SNX2: variants seen among roughly 807,000 people sequenced by gnomAD.
SNX2 encodes the protein sorting nexin 2.
A neutral mutation model predicts 69.9 loss-of-function variants in SNX2; 25 were observed. The ratio of observed to expected loss-of-function variants is 0.36; its 90% CI spans 0.26 to 0.50. The LOEUF (loss-of-function observed/expected upper bound fraction) is 0.50, where lower values mean the gene tolerates loss of function less well. Among genes scored for constraint, SNX2 ranks in the 20% least tolerant of loss-of-function variants. The pLI, the probability that SNX2 is intolerant of heterozygous loss-of-function variation, is 0.97. For synonymous variants in SNX2, 229 were observed against 200.4 expected (o/e 1.14, Z -1.20); for missense variants, 551 against 613.3 (o/e 0.90, Z 1.07).
At chr5:122,775,762 G>C (rs1017412884) in intron 1 of SNX2, 11 of 985,306 alleles carry the variant, frequency 1.1e-5, no homozygotes, top group Middle Eastern at 1.0e-3. Flanking sequence ...CTGTTAAATA[G>C]GTAAATGCAT....
intron 1 of SNX2, among the ~76,000 whole-genome samples, chr5:122,791,110 G>C (rs1206231922): frequency 7.7e-6 from 1 of 130,250 alleles, no homozygotes; most frequent in South Asian, 2.4e-4. Flanking sequence ...TGCACTATAG[G>C]CTATTTCAAT....
chr5:122,786,381 T>TC (rs1753089156), intron 1 of SNX2, among the ~76,000 whole-genome samples: 1 of 152,198 alleles, frequency 6.6e-6, no homozygotes, highest in African/African-American at 2.4e-5. Context: ...TTTTATTTGC[T>TC]TACTGTTTTT....
chr5:122,783,964 A>G (rs1261645355), intron 1 of SNX2, among the ~76,000 whole-genome samples: 1 of 152,046 alleles, frequency 6.6e-6, no homozygotes, highest in African/African-American at 2.4e-5. Context: ...AGCTTTCAGC[A>G]TACAGATCTA....
At position 122,812,318 on chromosome 5, in the gene SNX2, ATCAC is replaced by A. The variant is rs377386877; in HGVS notation, c.723-3571_723-3568del. 4.7e-4 allele frequency among the ~76,000 whole-genome samples: 71 copies of A among 152,290 alleles called. 1 individual carries two copies. The East Asian group carries it at 0.013, about 28-fold the overall frequency. On this transcript the variant is annotated intron_variant, in intron 7 of 14. Transcript: ENST00000379516. Reference sequence around the variant, plus strand: ...CCCATTTGATCTCATATCCTCCGTGATCACTCACTCTGCTTTAGGCCAGACTAAC... The same window carrying A: ...CCCATTTGATCTCATATCCTCCGTGATCACTCTGCTTTAGGCCAGACTAAC...
intron 1 of SNX2, among the ~76,000 whole-genome samples, chr5:122,790,442 TCA>T (rs1028437007): frequency 5.3e-5 from 8 of 152,188 alleles, no homozygotes; most frequent in African/African-American, 1.9e-4. Flanking sequence ...ACTTCTAAGC[TCA>T]CTCTCATGGC....
At chr5:122,778,599 C>T (rs1752905088) in intron 1 of SNX2, among the ~76,000 whole-genome samples, 1 of 152,102 alleles carries the variant, frequency 6.6e-6, no homozygotes, top group Admixed American at 6.6e-5. Flanking sequence ...GTCTCCACCT[C>T]CCAGGTTCAA....
At chr5:122,796,358 C>A (rs35801915) in intron 2 of SNX2, among the ~76,000 whole-genome samples, 30,838 of 152,042 alleles carry the variant, frequency 0.2, 3,520 homozygotes, top group East Asian at 0.46. Context: ...CATCACAAAA[C>A]TCCATATAAT....
chr5:122,784,128 T>C (rs1393072626), intron 1 of SNX2, among the ~76,000 whole-genome samples: 1 of 152,018 alleles, frequency 6.6e-6, no homozygotes, highest in African/African-American at 2.4e-5. Context: ...TTTAGTAGGT[T>C]TTTGTAGAGT....
intron 1 of SNX2, among the ~76,000 whole-genome samples, chr5:122,792,215 T>G (rs1391865818): frequency 1.3e-5 from 2 of 152,254 alleles, no homozygotes; most frequent in East Asian, 1.9e-4. Context: ...GAGATTTTTG[T>G]GCCATTGAGG....
intron 2 of SNX2, chr5:122,795,597 A>G: frequency 2.4e-6 from 1 of 423,426 alleles, no homozygotes; most frequent in Non-Finnish European, 4.2e-6. Flanking sequence ...GGCTGTAAGC[A>G]TTTGAGAATA....
chr5:122,826,420 A>G (rs1056145347), intron 12 of SNX2, among the ~76,000 whole-genome samples: 1 of 152,056 alleles, frequency 6.6e-6, no homozygotes, highest in Non-Finnish European at 1.5e-5. Flanking sequence ...AACAGCTAAA[A>G]TTAACCTTTA....
At position 122,775,112 on chromosome 5, in the gene SNX2, C is replaced by T; in HGVS notation, c.9C>T (p.Ala3=). 6.3e-7 allele frequency: 1 copy of T among 1,588,446 alleles called. No individual in the cohort carries two copies. The highest frequency in any genetic ancestry group is 8.6e-7 in the Non-Finnish European group (1 of 1,169,272). ...CGTTCGGGTGAGCGAAGATGGCGGC[C>T]GAGAGGGAACCTCCTCCGCTGGGGG... The part of the protein sequence containing the change: MA[A]EREPPPLGDG... Residue 3 remains alanine, a synonymous_variant, in exon 1 of 15, where the codon GCC becomes GCT. Coordinates refer to ENST00000379516, the MANE Select transcript of SNX2 (RefSeq NM_003100.4).
intron 1 of SNX2, among the ~76,000 whole-genome samples, chr5:122,783,673 T>C (rs1252421322): frequency 6.6e-6 from 1 of 152,200 alleles, no homozygotes; most frequent in Non-Finnish European, 1.5e-5. Flanking sequence ...ACTGTCTTGA[T>C]TATTTAATCT....
intron 7 of SNX2, among the ~76,000 whole-genome samples, chr5:122,811,850 T>TAAAA (rs1554063577): frequency 3.0e-4 from 45 of 151,018 alleles, no homozygotes; most frequent in Admixed American, 8.6e-4. Context: ...AATAAATAAA[T>TAAAA]AAATAAATAA....
At chr5:122,799,899 T>C in intron 3 of SNX2, 44 bp downstream of exon 3, 2 of 1,464,360 alleles carry the variant, frequency 1.4e-6, no homozygotes, top group Non-Finnish European at 1.9e-6. Flanking sequence ...ATATATACCT[T>C]TTTTCCCCAC....
chr5:122,831,594 A>G lies in SNX2; in HGVS notation c.*1946A>G, dbSNP rs1322708698. The stretch of plus-strand genomic sequence containing the variant: ...CAATCATCTTTTGTTGCTTCTGGGA[A>G]TACTTTTCAGAAACGAATAATTCAT... On this transcript the variant is annotated 3_prime_UTR_variant, in exon 15 of 15. Coordinates refer to ENST00000379516, the MANE Select transcript of SNX2 (RefSeq NM_003100.4). 6.6e-6 allele frequency among the ~76,000 whole-genome samples: 1 copy of G among 152,232 alleles called. No homozygotes were observed. The highest frequency in any genetic ancestry group is 1.5e-5 in the Non-Finnish European group (1 of 68,030).
chr5:122,829,112 C>T (rs1203658118), intron 14 of SNX2, among the ~76,000 whole-genome samples: 1 of 152,050 alleles, frequency 6.6e-6, no homozygotes, highest in Non-Finnish European at 1.5e-5. Context: ...AGTGAAACTC[C>T]ACCTCAAGAA....
chr5:122,787,785 C>T (rs1464025671), intron 1 of SNX2, among the ~76,000 whole-genome samples: 1 of 152,044 alleles, frequency 6.6e-6, no homozygotes, highest in Non-Finnish European at 1.5e-5. Context: ...TTCCTTGTTT[C>T]TGGTGTTAAA....
At chr5:122,814,443 T>G (rs1188973739) in intron 7 of SNX2, among the ~76,000 whole-genome samples, 1 of 152,226 alleles carries the variant, frequency 6.6e-6, no homozygotes, top group Non-Finnish European at 1.5e-5. Flanking sequence ...TGACTTCTTA[T>G]GTGGGCTACT....
Sources: gnomAD v4.1 joint callset for allele counts (sites outside exome capture counted in the v4.1 genomes callset) on GRCh38, gnomAD v4.1.1 for gene constraint, MANE v1.5 for transcripts, NCBI Gene and HGNC (gene_info 2026-07-23, HGNC 2026-07-21) for gene names.